TLL2: variants seen among roughly 807,000 people sequenced by gnomAD.
TLL2 encodes tolloid-like protein 2.
In TLL2, 106 loss-of-function variants were observed where a neutral mutation model predicts 123.0. The observed-to-expected ratio is 0.86, with a 90% CI of 0.74 to 1.01. TLL2 has a LOEUF of 1.01. Ranked by LOEUF, TLL2 falls within the 50% of genes least tolerant of loss-of-function variation. The pLI, the probability that TLL2 is intolerant of heterozygous loss-of-function variation, is 0.00. For missense variants in TLL2, 1,332 were observed against 1,336.7 expected, an observed-to-expected ratio of 1.00 and a Z score of 0.06; for synonymous variants, 494 against 516.8, an observed-to-expected ratio of 0.96 and a Z score of 0.60.
At chr10:96,469,933 G>A (rs1199109657) in intron 2 of TLL2, among the ~76,000 whole-genome samples, 1 of 152,138 alleles carries the variant, frequency 6.6e-6, no homozygotes, top group African/African-American at 2.4e-5. Context: ...AGGGCACCAT[G>A]TGAAGATCAA....
chr10:96,457,517 G>C (rs1847028677), intron 2 of TLL2, among the ~76,000 whole-genome samples: 1 of 152,198 alleles, frequency 6.6e-6, no homozygotes, highest in Non-Finnish European at 1.5e-5. Flanking sequence ...ACAGCCACTG[G>C]GGCCTGGCTC....
intron 2 of TLL2, among the ~76,000 whole-genome samples, chr10:96,449,367 C>G (rs901909645): frequency 6.6e-6 from 1 of 152,188 alleles, no homozygotes; most frequent in Non-Finnish European, 1.5e-5. Flanking sequence ...GGATACAAGG[C>G]ATTGCCCATC....
chr10:96,433,351 G>A (rs1846763747), intron 3 of TLL2, among the ~76,000 whole-genome samples: 1 of 152,136 alleles, frequency 6.6e-6, no homozygotes, highest in Non-Finnish European at 1.5e-5. Context: ...TATGGTCAGT[G>A]TTGCATATTT....
intron 10 of TLL2, among the ~76,000 whole-genome samples, chr10:96,403,087 G>C (rs1202121742): frequency 6.6e-6 from 1 of 152,156 alleles, no homozygotes; most frequent in Non-Finnish European, 1.5e-5. Flanking sequence ...CCCTCTACGA[G>C]TGAGGACAAT....
intron 2 of TLL2, among the ~76,000 whole-genome samples, chr10:96,471,593 A>G (rs1847184650): frequency 6.6e-6 from 1 of 152,222 alleles, no homozygotes; most frequent in Non-Finnish European, 1.5e-5. Context: ...AGACGCTGGA[A>G]TAAGTGTTTT....
chr10:96,423,719 A>G (rs914178511), intron 5 of TLL2, among the ~76,000 whole-genome samples: 6 of 152,190 alleles, frequency 3.9e-5, no homozygotes, highest in Non-Finnish European at 8.8e-5. Context: ...TTTGATAGAT[A>G]CTGTCAAATT....
At chr10:96,384,496 A>G (rs1846211723) in intron 16 of TLL2, 91 bp downstream of exon 16, 1 of 1,333,988 alleles carries the variant, frequency 7.5e-7, no homozygotes, top group African/African-American at 1.5e-5. Context: ...GCAAGCAAAG[A>G]GAGAGAGGAG....
At chr10:96,401,331 C>T (rs1027479116) in intron 10 of TLL2, among the ~76,000 whole-genome samples, 4 of 152,296 alleles carry the variant, frequency 2.6e-5, no homozygotes, top group African/African-American at 9.6e-5. Flanking sequence ...CTGCCTCCTC[C>T]CAGCAGATTT....
intron 3 of TLL2, among the ~76,000 whole-genome samples, chr10:96,441,266 T>A (rs575767718): frequency 1.1e-4 from 17 of 152,344 alleles, no homozygotes; most frequent in South Asian, 6.2e-4. Flanking sequence ...AGCCCAGCCA[T>A]CTGCATAACC....
chr10:96,469,260 G>T (rs753533912), intron 2 of TLL2, among the ~76,000 whole-genome samples: 3 of 152,228 alleles, frequency 2.0e-5, no homozygotes, highest in African/African-American at 7.2e-5. Flanking sequence ...CCTGGGCTCC[G>T]ATATTGACTT....
intron 2 of TLL2, among the ~76,000 whole-genome samples, chr10:96,450,203 A>T (rs1192064026): frequency 1.3e-5 from 2 of 149,730 alleles, no homozygotes; most frequent in Non-Finnish European, 2.9e-5. Flanking sequence ...GGATGGATGG[A>T]CATACGAGTC....
At chr10:96,512,051 T>C (rs922934336) in intron 1 of TLL2, among the ~76,000 whole-genome samples, 1 of 152,120 alleles carries the variant, frequency 6.6e-6, no homozygotes, top group East Asian at 1.9e-4. Flanking sequence ...AGGAACCAAC[T>C]CCTCTGCCCA....
At position 96,365,148 on chromosome 10, in the gene TLL2, A is replaced by G. The variant is rs1564890710; in HGVS notation, c.*2940T>C. On this transcript the variant is annotated 3_prime_UTR_variant, in exon 21 of 21. Transcript: ENST00000357947. ...GAAAGAATCTTACAATGTTTTTTAA[A>G]AAGTTTACGAATTTGTGTCGGGCCA... 1 of 152,236 alleles carries G rather than the reference A, an allele frequency of 6.6e-6. No homozygotes were observed. Among genetic ancestry groups the G allele is most frequent in the Non-Finnish European group, 1.5e-5 (1 of 68,036 alleles). The allele number at this position is 152,236 out of a possible 1,614,324, so 9.4% of individuals were successfully genotyped here. A position where few individuals can be genotyped will look rare whatever the true frequency, so the allele number is the denominator to read the frequency against.
chr10:96,476,216 T>TTATA (rs1466849863), intron 2 of TLL2, among the ~76,000 whole-genome samples: 5 of 33,332 alleles, frequency 1.5e-4, no homozygotes, highest in African/African-American at 3.5e-4. Context: ...CTTTTTAATT[T>TTATA]TATATGTATA....
chr10:96,476,246 T>TATATATATATA (rs1564915011), intron 2 of TLL2, among the ~76,000 whole-genome samples: 2 of 16,162 alleles, frequency 1.2e-4, no homozygotes, highest in Admixed American at 6.8e-4. Context: ...ATATATTTTA[T>TATATATATATA]TTTTGTTGTT....
intron 5 of TLL2, among the ~76,000 whole-genome samples, chr10:96,426,996 A>G (rs970895182): frequency 6.6e-6 from 1 of 152,150 alleles, no homozygotes; most frequent in African/African-American, 2.4e-5. Flanking sequence ...TGGATACTTA[A>G]GTCTGTGGGC....
chr10:96,414,042 A>T (rs560011196), intron 7 of TLL2, among the ~76,000 whole-genome samples: 1 of 152,166 alleles, frequency 6.6e-6, no homozygotes, highest in East Asian at 1.9e-4. Context: ...CTCCTATTTG[A>T]CTGAAATCTA....
At chr10:96,380,826 A>G (rs1369348377) in intron 16 of TLL2, among the ~76,000 whole-genome samples, 1 of 150,532 alleles carries the variant, frequency 6.6e-6, no homozygotes, top group Non-Finnish European at 1.5e-5. Flanking sequence ...TCGAGACACA[A>G]ATTAGCCAGG....
chr10:96,430,922 C>A lies in TLL2; in HGVS notation c.520+1885G>T, dbSNP rs578043091. ...AGAAAGAAGAAACAAACAACAACAA[C>A]AAAAAATAGAATAACTTAACTGTCC... is the stretch of plus-strand genomic sequence containing the variant. On this transcript the variant is annotated intron_variant, in intron 4 of 20. Coordinates refer to ENST00000357947, the MANE Select transcript of TLL2 (RefSeq NM_012465.4). Among the ~76,000 whole-genome samples the A allele has an allele frequency of 1.3e-4, 20 of 152,184 alleles. No individual in the cohort carries two copies. The East Asian group carries it at 2.1e-3, about 16-fold the overall frequency.
Sources: gnomAD v4.1 joint callset for allele counts (sites outside exome capture counted in the v4.1 genomes callset) on GRCh38, gnomAD v4.1.1 for gene constraint, MANE v1.5 for transcripts, NCBI Gene and HGNC (gene_info 2026-07-23, HGNC 2026-07-21) for gene names.